Variants in LRRTM4 observed in about 807,000 individuals in gnomAD.
LRRTM4 encodes the protein leucine rich repeat transmembrane neuronal 4.
LRRTM4 carries 25 observed loss-of-function variants against 47.6 expected under a neutral mutation model. The ratio of observed to expected loss-of-function variants is 0.53; its 90% confidence interval spans 0.38 to 0.73. LRRTM4 has a LOEUF of 0.73. LRRTM4 is among the 30% of genes least tolerant of loss of function. The probability of loss-of-function intolerance (pLI) is 0.00; values close to 1 mark genes in which losing one functional copy is unlikely to be tolerated. For synonymous variants in LRRTM4, 311 were observed against 269.5 expected (o/e 1.15, Z -1.51); for missense variants, 638 against 713.4 (o/e 0.89, Z 1.20).
At chr2:77,405,105 TATA>T (rs1674130889) in intron 3 of LRRTM4, among the ~76,000 whole-genome samples, 2 of 152,236 alleles carry the variant, frequency 1.3e-5, no homozygotes, top group South Asian at 4.1e-4. Flanking sequence ...AAATTACTCT[TATA>T]ATGTAATTTT....
At position 77,306,897 on chromosome 2, in the gene LRRTM4, A is replaced by ATTTTTTTTTT. The variant is rs774697360; in HGVS notation, c.1551+211411_1551+211420dup. Among the ~76,000 whole-genome samples, 733 of 112,356 alleles carry ATTTTTTTTTT rather than the reference A, an allele frequency of 6.5e-3. 58 individuals are homozygous for ATTTTTTTTTT. Among genetic ancestry groups the ATTTTTTTTTT allele is most frequent in the African/African-American group, 0.02 (471 of 23,098 alleles). 73.7% of individuals were successfully genotyped at this position (112,356 alleles called of 152,430 possible). On this transcript the variant is annotated intron_variant, in intron 3 of 3. Coordinates refer to ENST00000409884, the MANE Select transcript of LRRTM4 (RefSeq NM_001134745.3). ...AAATAGCTATATACTGCTTTTCCAT[A>ATTTTTTTTTT]TTTTTTTTTTTTTTTTTTTTGAGAT...
intron 3 of LRRTM4, among the ~76,000 whole-genome samples, chr2:77,509,811 G>T (rs1558776424): frequency 6.6e-6 from 1 of 152,060 alleles, no homozygotes; most frequent in Non-Finnish European, 1.5e-5. Flanking sequence ...AGAAAGGTCA[G>T]ATATATATTT....
intron 3 of LRRTM4, among the ~76,000 whole-genome samples, chr2:77,374,473 T>C (rs190880558): frequency 2.4e-3 from 363 of 151,964 alleles, no homozygotes; most frequent in Non-Finnish European, 4.1e-3. Context: ...CTTTCTCTTC[T>C]CAAAAGTATT....
chr2:76,839,739 A>G (rs1671617124), intron 3 of LRRTM4, among the ~76,000 whole-genome samples: 2 of 152,104 alleles, frequency 1.3e-5, no homozygotes, highest in South Asian at 4.1e-4. Flanking sequence ...CTTATCAAAT[A>G]ATAGTTTGTT....
At chr2:76,843,963 G>A (rs146081099) in intron 3 of LRRTM4, among the ~76,000 whole-genome samples, 1,873 of 146,714 alleles carry the variant, frequency 0.013, 43 homozygotes, top group African/African-American at 0.045. Flanking sequence ...GTGCAGTGGC[G>A]TGATCTCGGC....
intron 3 of LRRTM4, among the ~76,000 whole-genome samples, chr2:76,809,100 T>C (rs1037084121): frequency 6.6e-6 from 1 of 151,960 alleles, no homozygotes; most frequent in Non-Finnish European, 1.5e-5. Flanking sequence ...CACATGTTTA[T>C]AGTATAAAAA....
At chr2:77,277,215 C>T (rs533875566) in intron 3 of LRRTM4, among the ~76,000 whole-genome samples, 2 of 152,136 alleles carry the variant, frequency 1.3e-5, no homozygotes, top group African/African-American at 4.8e-5. Context: ...TAGTTATCAA[C>T]AATCCCACAG....
intron 3 of LRRTM4, among the ~76,000 whole-genome samples, chr2:77,476,399 A>T (rs1234747317): frequency 1.3e-5 from 2 of 152,142 alleles, no homozygotes; most frequent in African/African-American, 4.8e-5. Flanking sequence ...ATTGGTAAAT[A>T]TACAGGTCAA....
intron 3 of LRRTM4, among the ~76,000 whole-genome samples, chr2:76,991,600 C>A (rs1677012049): frequency 6.6e-6 from 1 of 151,496 alleles, no homozygotes; most frequent in Admixed American, 6.6e-5. Flanking sequence ...AAATTAAAGC[C>A]CTTAGCAGAC....
At chr2:77,225,343 C>A (rs1403078712) in intron 3 of LRRTM4, among the ~76,000 whole-genome samples, 2 of 150,804 alleles carry the variant, frequency 1.3e-5, no homozygotes, top group African/African-American at 2.4e-5. Flanking sequence ...TGCACATGTA[C>A]CCTAAAACTT....
intron 3 of LRRTM4, among the ~76,000 whole-genome samples, chr2:77,148,225 G>A (rs1672310503): frequency 6.6e-6 from 1 of 152,080 alleles, no homozygotes; most frequent in Non-Finnish European, 1.5e-5. Flanking sequence ...GATTGCTGTT[G>A]ATTTCAGCTT....
At chr2:77,013,298 T>C (rs991142300) in intron 3 of LRRTM4, among the ~76,000 whole-genome samples, 1 of 152,180 alleles carries the variant, frequency 6.6e-6, no homozygotes, top group Admixed American at 6.6e-5. Context: ...GATGTGGTGC[T>C]GTGATATGTT....
At chr2:76,770,808 T>TGAAA (rs1201684107) in intron 3 of LRRTM4, among the ~76,000 whole-genome samples, 8 of 152,218 alleles carry the variant, frequency 5.3e-5, no homozygotes, top group Non-Finnish European at 7.3e-5. Context: ...TATGTCTCCA[T>TGAAA]TTTCATGCAT....
intron 3 of LRRTM4, among the ~76,000 whole-genome samples, chr2:77,500,688 C>T (rs1168059345): frequency 6.6e-6 from 1 of 151,510 alleles, no homozygotes; most frequent in Non-Finnish European, 1.5e-5. Flanking sequence ...AAAAGATAAT[C>T]ATTCACTCCG....
intron 3 of LRRTM4, among the ~76,000 whole-genome samples, chr2:76,932,065 C>G (rs969552036): frequency 2.6e-5 from 4 of 152,142 alleles, no homozygotes; most frequent in African/African-American, 7.2e-5. Flanking sequence ...TTTCTCCCAT[C>G]TTCTGCCCTT....
At chr2:76,807,423 T>C (rs13410040) in intron 3 of LRRTM4, among the ~76,000 whole-genome samples, 29,445 of 87,106 alleles carry the variant, frequency 0.34, 4,924 homozygotes, top group East Asian at 0.6. Context: ...TATATATATA[T>C]ACATATATAT....
chr2:77,508,423 C>T (rs1678858353), intron 3 of LRRTM4, among the ~76,000 whole-genome samples: 1 of 152,118 alleles, frequency 6.6e-6, no homozygotes, highest in Admixed American at 6.6e-5. Context: ...GTGTTATTTC[C>T]CTAGTTCCAT....
intron 3 of LRRTM4, among the ~76,000 whole-genome samples, chr2:77,369,162 A>T (rs768229914): frequency 2.1e-4 from 32 of 151,752 alleles, no homozygotes; most frequent in Non-Finnish European, 4.1e-4. Context: ...GCATATCCAA[A>T]TTCTTACTTC....
At chr2:76,951,792 C>G (rs930769622) in intron 3 of LRRTM4, among the ~76,000 whole-genome samples, 1 of 151,834 alleles carries the variant, frequency 6.6e-6, no homozygotes, top group African/African-American at 2.4e-5. Flanking sequence ...GCTCCCCTCC[C>G]CCTGACAGGC....
Sources: allele counts gnomAD v4.1 joint callset (sites outside exome capture counted in the v4.1 genomes callset), GRCh38; gene constraint gnomAD v4.1.1; transcripts MANE v1.5; gene names NCBI Gene and HGNC (gene_info 2026-07-23, HGNC 2026-07-21).